The following UGT1A4 variants were observed in gnomAD, a reference collection of about 807,000 sequenced individuals.
The protein encoded by UGT1A4 is UDP-glucuronosyltransferase 1A4.
UGT1A4 carries 32 observed loss-of-function variants against 41.1 expected under a neutral mutation model. That is an observed-to-expected ratio of 0.78 (90% CI 0.59 to 1.05). The LOEUF is 1.05. Among genes scored for constraint, UGT1A4 ranks in the 50% least tolerant of loss-of-function variants. The probability of loss-of-function intolerance (pLI) is 0.00; values close to 1 mark genes in which losing one functional copy is unlikely to be tolerated. For synonymous variants in UGT1A4, 283 were observed against 265.1 expected, an observed-to-expected ratio of 1.07 and a Z score of -0.66; for missense variants, 748 against 677.4, an observed-to-expected ratio of 1.10 and a Z score of -1.16.
intron 1 of UGT1A4, among the ~76,000 whole-genome samples, chr2:233,756,565 C>T (rs1696262040): frequency 6.6e-6 from 1 of 152,126 alleles, no homozygotes; most frequent in East Asian, 1.9e-4. Context: ...GAGATCCTCT[C>T]AGACAAAAGG....
At chr2:233,727,451 G>A (rs2077618164) in intron 1 of UGT1A4, among the ~76,000 whole-genome samples, 1 of 152,150 alleles carries the variant, frequency 6.6e-6, no homozygotes, top group African/African-American at 2.4e-5. Flanking sequence ...GAAATCAGAT[G>A]ACTTCACTGT....
rs1278012950 is a variant in UGT1A4, at chr2:233,718,882, G to C, written c.62G>C (p.Ser21Thr). The stretch of plus-strand genomic sequence containing the variant: ...GCCACAGGACTGCTGCTCCTCCTCA[G>C]TGTCCAGCCCTGGGCTGAGAGTGGA... Reference protein sequence around the residue: ...RLATGLLLLLSVQPWAESGKV... With the variant: ...RLATGLLLLLTVQPWAESGKV... Residue 21 changes from serine (S) to threonine (T), a missense_variant, in exon 1 of 5, where the codon AGT becomes ACT. Ser to Thr is a moderately conservative substitution (Grantham distance 58, BLOSUM62 1). Coordinates refer to ENST00000373409, the MANE Select transcript of UGT1A4 (RefSeq NM_007120.3). 1 of 1,613,978 alleles carries C rather than the reference G, an allele frequency of 6.2e-7. No homozygotes were observed.
At chr2:233,719,782 T>C in intron 1 of UGT1A4, 95 bp downstream of exon 1, 1 of 1,610,592 alleles carries the variant, frequency 6.2e-7, no homozygotes. Flanking sequence ...TACTTATCTT[T>C]CCAAAGATTT....
chr2:233,755,100 G>A, intron 1 of UGT1A4: 9 of 1,335,078 alleles, frequency 6.7e-6, no homozygotes, highest in South Asian at 1.1e-5. Context: ...CTACGCGTCC[G>A]ACAACACCTC....
Position 233,769,430 on chromosome 2 carries a change from C to A in UGT1A4, c.1307+991C>A. On this transcript the variant is annotated intron_variant, in intron 4 of 4. Transcript: ENST00000373409. This position sits in a 1 kb window ranked among gnomAD's most constrained non-coding sequence, Gnocchi z 4.4. ...GTGTGCGTTTGTGCATGTGGCTGTG[C>A]TCATGTGTGGGTGCACACGTGTGCA... 1 of 1,537,408 alleles carries A rather than the reference C, an allele frequency of 6.5e-7. No individual in the cohort carries two copies. Among genetic ancestry groups the A allele is most frequent in the Non-Finnish European group, 8.9e-7 (1 of 1,118,580 alleles).
intron 1 of UGT1A4, among the ~76,000 whole-genome samples, chr2:233,753,010 T>G (rs1329149459): frequency 6.6e-6 from 1 of 151,864 alleles, no homozygotes; most frequent in Admixed American, 6.6e-5. Context: ...CTACCCAGAG[T>G]GGTGATTTAC....
chr2:233,743,913 C>G (rs1692584630), intron 1 of UGT1A4: 1 of 1,365,508 alleles, frequency 7.3e-7, no homozygotes, highest in Non-Finnish European at 9.8e-7. Context: ...TAGTAGTCCA[C>G]CATGCTGGAT....
At chr2:233,766,983 C>T (rs1040066735) in intron 1 of UGT1A4, 51 bp from the exon 2 acceptor site, 20 of 1,612,672 alleles carry the variant, frequency 1.2e-5, no homozygotes, top group Non-Finnish European at 1.7e-5. Flanking sequence ...TGTATGTAGT[C>T]ATCAAAGAAT....
At chr2:233,722,834 TAAG>T (rs1329542867) in intron 1 of UGT1A4, among the ~76,000 whole-genome samples, 1 of 146,008 alleles carries the variant, frequency 6.8e-6, no homozygotes, top group Non-Finnish European at 1.5e-5. Flanking sequence ...TGTATTATAA[TAAG>T]AATGTTTCTT....
At chr2:233,747,175 C>G in intron 1 of UGT1A4, 1 of 1,599,222 alleles carries the variant, frequency 6.3e-7, no homozygotes, top group Non-Finnish European at 8.5e-7. Flanking sequence ...GGAGGCACAG[C>G]GTGGGGTGGA....
chr2:233,724,022 GC>G (rs2077155325), intron 1 of UGT1A4, among the ~76,000 whole-genome samples: 1 of 80,608 alleles, frequency 1.2e-5, no homozygotes, highest in Non-Finnish European at 2.3e-5. Flanking sequence ...TGTCATCCTG[GC>G]CCGTTCTCAA....
Position 233,772,456 on chromosome 2 carries a change from T to C in UGT1A4, c.1502T>C (p.Leu501Pro), listed in dbSNP as rs763440969. ...ATTGGTTTCCTCTTGGCCGTCGTGCTGACAGTGGCCTTCATCACCTTTAAA... is the reference window on the plus strand; with the variant it reads ...ATTGGTTTCCTCTTGGCCGTCGTGCCGACAGTGGCCTTCATCACCTTTAAA... ...DVIGFLLAVV[L>P]TVAFITFKCC... Residue 501 changes from leucine to proline, a missense_variant, in exon 5 of 5, where the codon CTG (leucine) becomes CCG (proline). Physicochemically the swap from Leu to Pro is moderately conservative, Grantham distance 98. Coordinates refer to ENST00000373409, the MANE Select transcript of UGT1A4 (RefSeq NM_007120.3). The C allele has an allele frequency of 4.3e-6, 7 of 1,614,218 alleles. No individual in the cohort carries two copies. The highest frequency in any genetic ancestry group is 5.9e-6 in the Non-Finnish European group (7 of 1,180,044).
At chr2:233,739,309 A>G (rs1691043770) in intron 1 of UGT1A4, among the ~76,000 whole-genome samples, 1 of 152,132 alleles carries the variant, frequency 6.6e-6, no homozygotes. Flanking sequence ...TGCCTAGTGG[A>G]GTTGTGAGAA....
chr2:233,726,566 C>T (rs772348074), intron 1 of UGT1A4, among the ~76,000 whole-genome samples: 3 of 152,296 alleles, frequency 2.0e-5, no homozygotes, highest in South Asian at 2.1e-4. Flanking sequence ...CCCACTCTTA[C>T]GCCTGTCTCC....
At chr2:233,760,803 GC>G (rs773292758) in intron 1 of UGT1A4, 1 of 1,613,342 alleles carries the variant, frequency 6.2e-7, no homozygotes, top group South Asian at 1.1e-5. Flanking sequence ...TATTCTTCTT[GC>G]ATGCACTGCC....
At chr2:233,730,120 A>G in intron 1 of UGT1A4, 3 of 1,552,984 alleles carry the variant, frequency 1.9e-6, no homozygotes, top group Non-Finnish European at 1.7e-6. Context: ...TCTCCTTGTC[A>G]TAATAGCCTT....
chr2:233,766,947 A>G (rs749614811), intron 1 of UGT1A4, 87 bp from the exon 2 acceptor site: 24 of 1,599,406 alleles, frequency 1.5e-5, no homozygotes, highest in Non-Finnish European at 2.0e-5. Context: ...TAGTCTTAAG[A>G]GGAAGATATC....
At chr2:233,743,637 G>A (rs375962177) in intron 1 of UGT1A4, 6 of 1,367,294 alleles carry the variant, frequency 4.4e-6, no homozygotes, top group East Asian at 9.1e-5. Context: ...GCTGGGTCGC[G>A]GAAGCTGAAG....
At chr2:233,746,129 C>T (rs191765409) in intron 1 of UGT1A4, among the ~76,000 whole-genome samples, 2 of 151,948 alleles carry the variant, frequency 1.3e-5, no homozygotes, top group East Asian at 3.9e-4. Flanking sequence ...AAACTGTGGA[C>T]TGGCACCTGA....
Sources: allele counts gnomAD v4.1 joint callset (sites outside exome capture counted in the v4.1 genomes callset), GRCh38; gene constraint gnomAD v4.1.1; non-coding constraint Gnocchi (gnomAD v3.1); transcripts MANE v1.5; gene names NCBI Gene and HGNC (gene_info 2026-07-23, HGNC 2026-07-21).